STK33: variants seen among roughly 807,000 people sequenced by gnomAD.
STK33 encodes the protein serine/threonine kinase 33.
Under a neutral mutation model 58.0 loss-of-function variants are expected in STK33, and 52 were observed. That is an observed-to-expected ratio of 0.90 (90% CI 0.72 to 1.13). STK33 has a LOEUF of 1.13. Ranked by LOEUF, STK33 falls within the 50% of genes most tolerant of loss-of-function variation. STK33 has a pLI of 0.00. For missense variants in STK33, 630 were observed against 604.2 expected (o/e 1.04, Z -0.45); for synonymous variants, 215 against 200.1 (o/e 1.07, Z -0.63).
At chr11:8,570,803 G>A (rs987690877) in intron 1 of STK33, among the ~76,000 whole-genome samples, 3 of 152,138 alleles carry the variant, frequency 2.0e-5, no homozygotes, top group Admixed American at 6.5e-5. Flanking sequence ...CAGTTTCATG[G>A]ATGTGCACAT....
chr11:8,408,315 A>G (rs1333121234), intron 15 of STK33, among the ~76,000 whole-genome samples: 1 of 152,242 alleles, frequency 6.6e-6, no homozygotes, highest in East Asian at 1.9e-4. Flanking sequence ...ATGGCCAGAC[A>G]GCTATAGGCC....
intron 1 of STK33, among the ~76,000 whole-genome samples, chr11:8,543,515 T>A (rs910785528): frequency 6.6e-6 from 1 of 152,064 alleles, no homozygotes; most frequent in Non-Finnish European, 1.5e-5. Context: ...ACATCACAGG[T>A]TCTCATTTAT....
At chr11:8,367,871 T>TCA in the STK33 span, among the ~76,000 whole-genome samples, 17 of 151,950 alleles carry the variant, frequency 1.1e-4, no homozygotes, top group Admixed American at 8.5e-4. Context: ...GACACACTCA[T>TCA]CACACACACA....
chr11:8,538,042 G>C (rs191283466), intron 1 of STK33, among the ~76,000 whole-genome samples: 1 of 152,112 alleles, frequency 6.6e-6, no homozygotes. Flanking sequence ...CAAGAAATTA[G>C]TTGGGCATGG....
chr11:8,536,767 GTTTA>G (rs1412325715), intron 1 of STK33, among the ~76,000 whole-genome samples: 2 of 149,604 alleles, frequency 1.3e-5, no homozygotes, highest in Non-Finnish European at 3.0e-5. Flanking sequence ...TTTTGTTGTT[GTTTA>G]TTTGTTGTTT....
In STK33 at chr11:8,553,259, T is replaced by C. The variant is rs1956493945; in HGVS notation, c.-466+40824A>G. Among the ~76,000 whole-genome samples the C allele has an allele frequency of 2.8e-5, 4 of 141,162 alleles. 1 individual carries two copies. The South Asian group carries it at 8.8e-4, about 31-fold the overall frequency. 92.6% of individuals were successfully genotyped at this position (141,162 alleles called of 152,430 possible). On this transcript the variant is annotated intron_variant, in intron 1 of 15. Coordinates refer to ENST00000687296, the MANE Select transcript of STK33 (RefSeq NM_001352389.2). The stretch of plus-strand genomic sequence containing the variant: ...ATATATATGATATATATGATATATA[T>C]ATCATATATATAAGTAAATATATAA...
At chr11:8,462,289 G>C (rs1565075272) in intron 7 of STK33, among the ~76,000 whole-genome samples, 1 of 151,180 alleles carries the variant, frequency 6.6e-6, no homozygotes, top group Non-Finnish European at 1.5e-5. Flanking sequence ...CTTGATGTTA[G>C]CATAATAAAA....
intron 15 of STK33, among the ~76,000 whole-genome samples, chr11:8,396,882 G>A (rs752775363): frequency 5.3e-5 from 8 of 152,224 alleles, no homozygotes; most frequent in Non-Finnish European, 1.0e-4. Context: ...AGCAGTCTGA[G>A]ATCAAACTGC....
chr11:8,376,549 C>CTTTT, the STK33 span, among the ~76,000 whole-genome samples: 1 of 144,496 alleles, frequency 6.9e-6, no homozygotes, highest in Non-Finnish European at 1.5e-5. Context: ...ATTCTTTTTT[C>CTTTT]TTTTTTTTTT....
At chr11:8,534,675 C>A (rs1488281324) in intron 1 of STK33, among the ~76,000 whole-genome samples, 1 of 150,804 alleles carries the variant, frequency 6.6e-6, no homozygotes, top group Non-Finnish European at 1.5e-5. Context: ...AAAAAAATGG[C>A]TAGATTCAAC....
intron 1 of STK33, among the ~76,000 whole-genome samples, chr11:8,535,478 G>GA (rs370953596): frequency 6.6e-6 from 1 of 151,842 alleles, no homozygotes; most frequent in Non-Finnish European, 1.5e-5. Flanking sequence ...CAACACATGT[G>GA]AAAAAAATGC....
At chr11:8,426,911 T>G (rs1942840102) in intron 14 of STK33, among the ~76,000 whole-genome samples, 1 of 152,212 alleles carries the variant, frequency 6.6e-6, no homozygotes, top group South Asian at 2.1e-4. Flanking sequence ...TTAGCACACT[T>G]TCATGTGCTG....
chr11:8,550,393 C>T (rs1446292072), intron 1 of STK33, among the ~76,000 whole-genome samples: 1 of 152,132 alleles, frequency 6.6e-6, no homozygotes, highest in South Asian at 2.1e-4. Flanking sequence ...GATCCACCCG[C>T]CTCAGCCTCC....
At chr11:8,586,196 A>C (rs2031575715) in intron 1 of STK33, among the ~76,000 whole-genome samples, 1 of 148,648 alleles carries the variant, frequency 6.7e-6, no homozygotes, top group Non-Finnish European at 1.5e-5. Flanking sequence ...TAGCCTGGTC[A>C]AGAGAGCCAG....
intron 1 of STK33, among the ~76,000 whole-genome samples, chr11:8,565,054 T>G (rs1184819621): frequency 6.6e-6 from 1 of 152,104 alleles, no homozygotes; most frequent in Non-Finnish European, 1.5e-5. Context: ...CTATTATGAC[T>G]CTAGAAAGCC....
At chr11:8,542,524 GA>G (rs1161614726) in intron 1 of STK33, among the ~76,000 whole-genome samples, 1 of 152,126 alleles carries the variant, frequency 6.6e-6, no homozygotes, top group East Asian at 1.9e-4. Context: ...TAGAGGGTAA[GA>G]AACCAAGGAT....
At chr11:8,408,116 T>C (rs1198092198) in intron 15 of STK33, among the ~76,000 whole-genome samples, 1 of 152,170 alleles carries the variant, frequency 6.6e-6, no homozygotes, top group Non-Finnish European at 1.5e-5. Context: ...TACATGACAA[T>C]TTAAAGCACA....
chr11:8,405,685 G>C (rs186468529), intron 15 of STK33, among the ~76,000 whole-genome samples: 37 of 152,152 alleles, frequency 2.4e-4, no homozygotes, highest in African/African-American at 8.9e-4. Context: ...TTACAGTTTC[G>C]CTTTTAGATT....
chr11:8,389,978 T>A (rs1162972838), downstream of STK33, among the ~76,000 whole-genome samples: 1 of 152,192 alleles, frequency 6.6e-6, no homozygotes, highest in Non-Finnish European at 1.5e-5. Context: ...AACCAAATAT[T>A]CTATGAGCAG....
Sources: gnomAD v4.1 joint callset for allele counts (sites outside exome capture counted in the v4.1 genomes callset) on GRCh38, gnomAD v4.1.1 for gene constraint, MANE v1.5 for transcripts, NCBI Gene and HGNC (gene_info 2026-07-23, HGNC 2026-07-21) for gene names.